FHIT: variants seen among roughly 807,000 people sequenced by gnomAD.
FHIT encodes the protein bis(5'-adenosyl)-triphosphatase.
FHIT carries 19 observed loss-of-function variants against 17.9 expected under a neutral mutation model. That is an observed-to-expected ratio of 1.06 (90% confidence interval 0.74 to 1.56). The LOEUF (loss-of-function observed/expected upper bound fraction) is 1.56. FHIT is among the 40% of genes most tolerant of loss of function. The pLI, the probability that FHIT is intolerant of heterozygous loss-of-function variation, is 0.00. For synonymous variants in FHIT, 81 were observed against 69.7 expected (o/e 1.16, Z -0.81); for missense variants, 248 against 189.2 (o/e 1.31, Z -1.82).
intron 2 of FHIT, among the ~76,000 whole-genome samples, chr3:61,119,473 C>G (rs1298251578): frequency 6.6e-6 from 1 of 152,176 alleles, no homozygotes; most frequent in Non-Finnish European, 1.5e-5. Flanking sequence ...ATTAGTCTCC[C>G]AAAGTGCTGG....
At chr3:60,267,872 A>C (rs181544649) in intron 5 of FHIT, among the ~76,000 whole-genome samples, 7 of 152,310 alleles carry the variant, frequency 4.6e-5, no homozygotes, top group African/African-American at 1.4e-4. Context: ...TAAAACTTGG[A>C]CTTGATAGTC....
At chr3:59,825,159 T>A (rs530354895) in intron 8 of FHIT, among the ~76,000 whole-genome samples, 10 of 152,258 alleles carry the variant, frequency 6.6e-5, no homozygotes, top group Admixed American at 1.3e-4. Context: ...TTGCAGAGGG[T>A]TTGATTCTTT....
At chr3:60,388,878 G>A (rs942231474) in intron 5 of FHIT, among the ~76,000 whole-genome samples, 2 of 152,048 alleles carry the variant, frequency 1.3e-5, no homozygotes, top group African/African-American at 4.8e-5. Context: ...TGGTACAGAG[G>A]GCTCGTAAAG....
At chr3:60,582,499 C>T (rs1372102814) in intron 4 of FHIT, among the ~76,000 whole-genome samples, 2 of 152,048 alleles carry the variant, frequency 1.3e-5, no homozygotes, top group Non-Finnish European at 2.9e-5. Context: ...GGGCAGTCTC[C>T]TCTTGGGAAG....
intron 5 of FHIT, among the ~76,000 whole-genome samples, chr3:60,510,644 C>A (rs933002889): frequency 2.6e-5 from 4 of 151,954 alleles, no homozygotes; most frequent in African/African-American, 9.7e-5. Flanking sequence ...GATGTGAGTT[C>A]AAGTCTCTGG....
intron 4 of FHIT, among the ~76,000 whole-genome samples, chr3:60,543,683 C>T (rs1230357590): frequency 6.6e-6 from 1 of 152,128 alleles, no homozygotes; most frequent in South Asian, 2.1e-4. Context: ...GTTCTTATAG[C>T]TGGCAATCTA....
Position 60,645,203 on chromosome 3 carries a change from C to A in FHIT, c.-17-108224G>T, listed in dbSNP as rs140446965. ...ACGTTGGCCCTCTCCTTTGCACAGT[C>A]CAGAACTGATCCCCAGGAAACACAC... On this transcript the variant is annotated intron_variant, in intron 4 of 9. Coordinates refer to ENST00000492590, the MANE Select transcript of FHIT (RefSeq NM_002012.4). Among the ~76,000 whole-genome samples the A allele has an allele frequency of 3.1e-3, 471 of 152,192 alleles. 4 individuals are homozygous for A. The highest frequency in any genetic ancestry group is 0.011 in the African/African-American group (442 of 41,532).
chr3:59,958,009 G>A (rs1165768514), intron 7 of FHIT, among the ~76,000 whole-genome samples: 1 of 152,180 alleles, frequency 6.6e-6, no homozygotes, highest in Non-Finnish European at 1.5e-5. Context: ...GTGGGAATGT[G>A]AGCTACATGT....
At chr3:60,520,877 C>G (rs964437415) in intron 5 of FHIT, among the ~76,000 whole-genome samples, 4 of 151,978 alleles carry the variant, frequency 2.6e-5, no homozygotes, top group Non-Finnish European at 5.9e-5. Context: ...ACACACCTAC[C>G]TCTTCCCAAG....
intron 5 of FHIT, among the ~76,000 whole-genome samples, chr3:60,130,508 G>C (rs1021411083): frequency 7.9e-5 from 12 of 152,192 alleles, no homozygotes; most frequent in African/African-American, 2.9e-4. Flanking sequence ...CTGGAACTCA[G>C]ACGGCATGAC....
chr3:59,873,329 A>G (rs1703005797), intron 8 of FHIT, among the ~76,000 whole-genome samples: 2 of 152,214 alleles, frequency 1.3e-5, no homozygotes, highest in African/African-American at 4.8e-5. Context: ...CAATGTATTT[A>G]CTCATCATTT....
At chr3:60,218,059 T>C (rs540138542) in intron 5 of FHIT, among the ~76,000 whole-genome samples, 45 of 152,280 alleles carry the variant, frequency 3.0e-4, no homozygotes, top group African/African-American at 1.0e-3. Flanking sequence ...AAAATGTTTA[T>C]TATTGTTTTA....
chr3:60,011,657 C>T (rs1700145415), intron 6 of FHIT, among the ~76,000 whole-genome samples: 1 of 152,168 alleles, frequency 6.6e-6, no homozygotes, highest in Non-Finnish European at 1.5e-5. Context: ...ATGCTCTTTG[C>T]TCTAGGCTAT....
chr3:60,102,746 C>T (rs1209787235), intron 5 of FHIT, among the ~76,000 whole-genome samples: 1 of 152,014 alleles, frequency 6.6e-6, no homozygotes, highest in African/African-American at 2.4e-5. Flanking sequence ...TCATAAAGAC[C>T]ATTGTCACTT....
intron 5 of FHIT, among the ~76,000 whole-genome samples, chr3:60,407,067 ATTTTTTTT>A (rs34542104): frequency 4.5e-4 from 28 of 62,904 alleles, no homozygotes; most frequent in Admixed American, 9.2e-4. Context: ...CCTGCCAATA[ATTTTTTTT>A]TTTTTTTTTT....
intron 4 of FHIT, among the ~76,000 whole-genome samples, chr3:60,710,857 C>A (rs1015248823): frequency 6.6e-6 from 1 of 152,184 alleles, no homozygotes; most frequent in African/African-American, 2.4e-5. Context: ...CACAGACAAA[C>A]AAAAAGACAG....
intron 4 of FHIT, among the ~76,000 whole-genome samples, chr3:60,793,363 C>A (rs905379413): frequency 1.1e-4 from 16 of 151,496 alleles, no homozygotes; most frequent in Non-Finnish European, 2.1e-4. Flanking sequence ...GTGCAGTGGG[C>A]AAGATCTCAG....
chr3:60,427,318 C>T (rs1455116894), intron 5 of FHIT, among the ~76,000 whole-genome samples: 2 of 152,094 alleles, frequency 1.3e-5, no homozygotes, highest in African/African-American at 2.4e-5. Context: ...GAAACAGATT[C>T]TGCCAACAGG....
intron 2 of FHIT, among the ~76,000 whole-genome samples, chr3:61,167,211 A>G (rs2037864767): frequency 6.6e-6 from 1 of 151,906 alleles, no homozygotes; most frequent in Non-Finnish European, 1.5e-5. Context: ...ATACAAATAC[A>G]TTTTATATTT....
Sources: allele counts gnomAD v4.1 joint callset (sites outside exome capture counted in the v4.1 genomes callset), GRCh38; gene constraint gnomAD v4.1.1; transcripts MANE v1.5; gene names NCBI Gene and HGNC (gene_info 2026-07-23, HGNC 2026-07-21).